The following TMEM87A variants were observed in gnomAD, a reference collection of about 807,000 sequenced individuals.
TMEM87A encodes the protein transmembrane protein 87A.
In TMEM87A, 50 loss-of-function variants were observed where a neutral mutation model predicts 90.0. That is an observed-to-expected ratio of 0.56 (90% CI 0.44 to 0.70). TMEM87A has a LOEUF of 0.70. Among genes scored for constraint, TMEM87A ranks in the 30% least tolerant of loss-of-function variants. The pLI, the probability that TMEM87A is intolerant of heterozygous loss-of-function variation, is 0.00. For missense variants in TMEM87A, 577 were observed against 660.5 expected (o/e 0.87, Z 1.39); for synonymous variants, 226 against 226.7 (o/e 1.00, Z 0.03).
intron 14 of TMEM87A, chr15:42,227,139 T>C (rs2050610375): frequency 1.9e-6 from 1 of 526,534 alleles, no homozygotes; most frequent in Non-Finnish European, 3.4e-6. Flanking sequence ...CGGAACAGAG[T>C]ATTTGTCAAA....
At chr15:42,233,586 C>T (rs756655453) in intron 10 of TMEM87A, among the ~76,000 whole-genome samples, 7 of 152,100 alleles carry the variant, frequency 4.6e-5, no homozygotes, top group Non-Finnish European at 7.4e-5. Context: ...CCCTTATAAA[C>T]CCTTCACCAA....
At chr15:42,250,088 C>T (rs552735192) in intron 6 of TMEM87A, among the ~76,000 whole-genome samples, 1 of 152,144 alleles carries the variant, frequency 6.6e-6, no homozygotes, top group Non-Finnish European at 1.5e-5. Context: ...GAATTGCAAC[C>T]CTGCTTTTTC....
chr15:42,225,509 A>T (rs1384294080), intron 15 of TMEM87A, among the ~76,000 whole-genome samples: 1 of 152,150 alleles, frequency 6.6e-6, no homozygotes, highest in African/African-American at 2.4e-5. Context: ...ACTAGACAGG[A>T]GAGACTCAGT....
At chr15:42,257,991 T>C (rs1441642146) in intron 6 of TMEM87A, 4 of 975,330 alleles carry the variant, frequency 4.1e-6, no homozygotes, top group African/African-American at 1.8e-5. Flanking sequence ...TAAAAACTTA[T>C]CCCAATATAC....
At chr15:42,223,732 GGACAGA>G (rs2050539273) in intron 15 of TMEM87A, among the ~76,000 whole-genome samples, 1 of 152,040 alleles carries the variant, frequency 6.6e-6, no homozygotes, top group South Asian at 2.1e-4. Flanking sequence ...AGCTGAAAAT[GGACAGA>G]GACAATGATC....
At chr15:42,269,598 G>C (rs1566943989) in intron 2 of TMEM87A, among the ~76,000 whole-genome samples, 2 of 152,150 alleles carry the variant, frequency 1.3e-5, no homozygotes, top group South Asian at 4.1e-4. Context: ...AAATACTGCT[G>C]TTTATGTTAC....
chr15:42,263,366 G>C (rs1394403575), intron 4 of TMEM87A, among the ~76,000 whole-genome samples: 2 of 152,214 alleles, frequency 1.3e-5, no homozygotes, highest in African/African-American at 4.8e-5. Flanking sequence ...ATGGAAAGTA[G>C]AAGAGTGGTT....
chr15:42,272,497 T>C (rs1428520566), intron 1 of TMEM87A, among the ~76,000 whole-genome samples: 2 of 152,202 alleles, frequency 1.3e-5, no homozygotes, highest in Admixed American at 1.3e-4. Context: ...CAGAGCAGAA[T>C]GAAACAAAAA....
chr15:42,222,807 G>T (rs2050517860), intron 15 of TMEM87A, among the ~76,000 whole-genome samples: 1 of 151,988 alleles, frequency 6.6e-6, no homozygotes, highest in Non-Finnish European at 1.5e-5. Flanking sequence ...TTGTCCACCC[G>T]CCTCAGCCTC....
Position 42,264,184 on chromosome 15 carries a change from T to A in TMEM87A, c.311A>T (p.Tyr104Phe). Residue 104 changes from tyrosine to phenylalanine, a missense_variant, in exon 4 of 20, where the codon TAT becomes TTT. Coordinates refer to ENST00000389834, the MANE Select transcript of TMEM87A (RefSeq NM_015497.5). ...YNFKAEEVEL[Y>F]LEKLKEKRGL... ...TCTTTTTTCCTTAAGTTTTTCCAAATACAACTCTACTTCTTCTGCCTGGAA... is the reference window on the plus strand; with the variant it reads ...TCTTTTTTCCTTAAGTTTTTCCAAAAACAACTCTACTTCTTCTGCCTGGAA... 1 of 1,613,130 alleles carries A rather than the reference T, an allele frequency of 6.2e-7. No homozygotes were observed. The highest frequency in any genetic ancestry group is 1.1e-5 in the South Asian group (1 of 91,004).
At chr15:42,231,349 C>T in intron 11 of TMEM87A, 89 bp from the exon 12 acceptor site, 1 of 1,085,800 alleles carries the variant, frequency 9.2e-7, no homozygotes, top group Non-Finnish European at 1.3e-6. Context: ...TTTACATAAT[C>T]ACTGGAAAGT....
Position 42,269,695 on chromosome 15 carries a change from G to C in TMEM87A, c.206-1663C>G, listed in dbSNP as rs550621819. On this transcript the variant is annotated intron_variant, in intron 2 of 19. Transcript: ENST00000389834. ...CTCACGCCTGTAATCCCAGCACTTT[G>C]GGAGGCCGAGGCGGGTGGATCATGA... is the stretch of plus-strand genomic sequence containing the variant. 8.7e-4 allele frequency among the ~76,000 whole-genome samples: 133 copies of C among 152,178 alleles called. 1 individual carries two copies. The highest frequency in any genetic ancestry group is 1.4e-3 in the Admixed American group (21 of 15,288).
At chr15:42,252,323 C>A (rs1299480812) in intron 6 of TMEM87A, among the ~76,000 whole-genome samples, 1 of 152,242 alleles carries the variant, frequency 6.6e-6, no homozygotes, top group Non-Finnish European at 1.5e-5. Flanking sequence ...CACCCGTCTT[C>A]TGTGTCGATC....
chr15:42,259,942 T>TG (rs2051256304), intron 6 of TMEM87A, among the ~76,000 whole-genome samples: 1 of 152,124 alleles, frequency 6.6e-6, no homozygotes, highest in Non-Finnish European at 1.5e-5. Flanking sequence ...TGTCAGAGGC[T>TG]GGGGGCAGGA....
At chr15:42,243,876 T>C (rs2050920487) in intron 7 of TMEM87A, among the ~76,000 whole-genome samples, 174 bp downstream of exon 7, 1 of 152,152 alleles carries the variant, frequency 6.6e-6, no homozygotes, top group Non-Finnish European at 1.5e-5. Flanking sequence ...GTTTTGACAA[T>C]TCTAGTTCAG....
intron 6 of TMEM87A, among the ~76,000 whole-genome samples, chr15:42,245,228 A>G (rs2050949656): frequency 6.6e-6 from 1 of 152,196 alleles, no homozygotes; most frequent in African/African-American, 2.4e-5. Flanking sequence ...CCAATTTGTG[A>G]GAAAACTTTG....
At chr15:42,228,039 C>T (rs1253354367) in intron 13 of TMEM87A, among the ~76,000 whole-genome samples, 1 of 152,086 alleles carries the variant, frequency 6.6e-6, no homozygotes, top group Non-Finnish European at 1.5e-5. Context: ...CATCAGTAAC[C>T]AGTGTGGTTG....
At chr15:42,273,555 G>T, upstream of TMEM87A, 1 of 1,318,630 alleles carries the variant, frequency 7.6e-7, no homozygotes, top group African/African-American at 1.5e-5. Flanking sequence ...TCAGACAGTC[G>T]TCTGTGCGCC....
chr15:42,237,978 C>T (rs1343076934), intron 8 of TMEM87A, among the ~76,000 whole-genome samples: 2 of 147,494 alleles, frequency 1.4e-5, no homozygotes, highest in Non-Finnish European at 3.0e-5. Flanking sequence ...TCCTCAAGAG[C>T]GAATGCTCTC....
Sources: gnomAD v4.1 joint callset for allele counts (sites outside exome capture counted in the v4.1 genomes callset) on GRCh38, gnomAD v4.1.1 for gene constraint, MANE v1.5 for transcripts, NCBI Gene and HGNC (gene_info 2026-07-23, HGNC 2026-07-21) for gene names.